Variants in CTNNA3 observed in about 807,000 individuals in gnomAD.
CTNNA3 encodes the protein catenin alpha-3.
A neutral mutation model predicts 95.7 loss-of-function variants in CTNNA3; 76 were observed. The observed-to-expected ratio is 0.79, with a 90% confidence interval of 0.66 to 0.96. The LOEUF is 0.96. CTNNA3 is among the 40% of genes least tolerant of loss of function. The probability of loss-of-function intolerance (pLI) is 0.00; values close to 1 mark genes in which losing one functional copy is unlikely to be tolerated. For missense variants in CTNNA3, 1,191 were observed against 1,089.8 expected, an observed-to-expected ratio of 1.09 and a Z score of -1.31; for synonymous variants, 431 against 374.4, an observed-to-expected ratio of 1.15 and a Z score of -1.74.
chr10:66,684,847 T>C, intron 9 of CTNNA3, among the ~76,000 whole-genome samples: 1 of 152,078 alleles, frequency 6.6e-6, no homozygotes, highest in East Asian at 1.9e-4. Flanking sequence ...CCTTACTATA[T>C]ATGTGGATGA....
intron 2 of CTNNA3, among the ~76,000 whole-genome samples, chr10:67,629,389 G>A (rs981429930): frequency 6.6e-6 from 1 of 152,064 alleles, no homozygotes; most frequent in African/African-American, 2.4e-5. Context: ...ACCACCAGCA[G>A]CAGTCACCAT....
chr10:67,346,573 G>T, intron 5 of CTNNA3: 1 of 212,082 alleles, frequency 4.7e-6, no homozygotes, highest in East Asian at 1.3e-4. Context: ...GACCTTATTA[G>T]AACAGACGAG....
chr10:67,282,835 TC>T (rs1839451772), intron 5 of CTNNA3, among the ~76,000 whole-genome samples: 1 of 152,128 alleles, frequency 6.6e-6, no homozygotes, highest in Non-Finnish European at 1.5e-5. Context: ...TTTGACCTTC[TC>T]CTGCATGCCT....
chr10:67,205,362 G>A (rs559926009), intron 6 of CTNNA3, among the ~76,000 whole-genome samples: 11 of 152,224 alleles, frequency 7.2e-5, no homozygotes, highest in Admixed American at 2.6e-4. Context: ...CTGTATGAAG[G>A]TTTTCTGGCA....
intron 15 of CTNNA3, among the ~76,000 whole-genome samples, chr10:66,029,177 G>A (rs10822697): frequency 6.6e-6 from 1 of 152,100 alleles, no homozygotes; most frequent in South Asian, 2.1e-4. Context: ...CTTCTAATTG[G>A]CCTTTTTACT....
chr10:66,148,942 A>G (rs918571271), intron 13 of CTNNA3, among the ~76,000 whole-genome samples: 10 of 151,712 alleles, frequency 6.6e-5, no homozygotes, highest in African/African-American at 2.4e-4. Flanking sequence ...ACAGTTATAT[A>G]CATTAATTTT....
At chr10:66,948,111 A>T (rs910102896) in intron 7 of CTNNA3, among the ~76,000 whole-genome samples, 2 of 152,212 alleles carry the variant, frequency 1.3e-5, no homozygotes, top group Non-Finnish European at 2.9e-5. Flanking sequence ...TTGTGGGATC[A>T]CCATCATATA....
chr10:66,084,920 A>T (rs1326307226), intron 14 of CTNNA3: 1 of 152,128 alleles, frequency 6.6e-6, no homozygotes, highest in East Asian at 1.9e-4. Context: ...ACACTAGGAC[A>T]CTAATTAGGA....
At position 66,379,778 on chromosome 10, in the gene CTNNA3, A is replaced by G. The variant is rs184242020; in HGVS notation, c.1532-426T>C. Among the ~76,000 whole-genome samples the G allele has an allele frequency of 1.8e-3, 275 of 152,310 alleles. 1 individual carries two copies. The highest frequency in any genetic ancestry group is 6.1e-3 in the African/African-American group (252 of 41,570). ...TAAGTCTTTTAAAAGATGGATTTAA[A>G]CAAATGAATTCCAGAGAAAGTTGCC... On this transcript the variant is annotated intron_variant, in intron 11 of 17. Transcript: ENST00000433211.
At chr10:67,562,184 C>A (rs1247626244) in intron 3 of CTNNA3, among the ~76,000 whole-genome samples, 1 of 151,968 alleles carries the variant, frequency 6.6e-6, no homozygotes, top group Non-Finnish European at 1.5e-5. Context: ...GAGACACAAC[C>A]ATAAAAGAGA....
chr10:66,309,742 G>A (rs1381614211), intron 12 of CTNNA3, among the ~76,000 whole-genome samples: 3 of 137,816 alleles, frequency 2.2e-5, no homozygotes, highest in Non-Finnish European at 3.1e-5. Flanking sequence ...TATAGATAGG[G>A]AAATAGGGAA....
intron 1 of CTNNA3, among the ~76,000 whole-genome samples, chr10:67,687,631 A>G (rs76291680): frequency 0.24 from 35,867 of 151,974 alleles, 5,082 homozygotes; most frequent in East Asian, 0.52. Context: ...TCAGGGCGCA[A>G]GGCTCGCTTT....
rs143910432 is a variant in CTNNA3, at chr10:67,216,626, A to C, written c.843+2981T>G. Among the ~76,000 whole-genome samples, 269 of 152,268 alleles carry C rather than the reference A, an allele frequency of 1.8e-3. 2 individuals are homozygous for C. The highest frequency in any genetic ancestry group is 5.9e-3 in the African/African-American group (246 of 41,528). On this transcript the variant is annotated intron_variant, in intron 6 of 17. Coordinates refer to ENST00000433211, the MANE Select transcript of CTNNA3 (RefSeq NM_013266.4). ...ACAGTAAACAATGACTGTATGAATG[A>C]TGATACATGAATATGTAAAAAAGTT...
chr10:67,148,653 T>C (rs1860947866), intron 7 of CTNNA3, among the ~76,000 whole-genome samples: 1 of 152,194 alleles, frequency 6.6e-6, no homozygotes, highest in African/African-American at 2.4e-5. Flanking sequence ...CTGACAAACA[T>C]ATCACATCAA....
intron 13 of CTNNA3, among the ~76,000 whole-genome samples, chr10:66,155,099 CAA>C (rs2084421714): frequency 6.6e-6 from 1 of 151,682 alleles, no homozygotes; most frequent in South Asian, 2.1e-4. Flanking sequence ...AATCTTTGCT[CAA>C]GAGTATAGTG....
At chr10:67,199,119 C>A (rs7918811) in intron 6 of CTNNA3, among the ~76,000 whole-genome samples, 2 of 151,666 alleles carry the variant, frequency 1.3e-5, no homozygotes, top group Non-Finnish European at 2.9e-5. Context: ...AGAGGAGGAA[C>A]TGGGAAAAGA....
Position 66,487,181 on chromosome 10 carries a change from A to ATTTTTTTTTT in CTNNA3, c.1531+33426_1531+33435dup, listed in dbSNP as rs60547696. ...TACTTGAAATTTAATAAAAGGGCAG[A>ATTTTTTTTTT]TTTTTTTTTTTTTTTTTTTTTTTTT... On this transcript the variant is annotated intron_variant, in intron 11 of 17. Coordinates refer to ENST00000433211, the MANE Select transcript of CTNNA3 (RefSeq NM_013266.4). 3.0e-4 allele frequency among the ~76,000 whole-genome samples: 14 copies of ATTTTTTTTTT among 45,984 alleles called. 2 individuals carry two copies. The highest frequency in any genetic ancestry group is 9.9e-4 in the African/African-American group (11 of 11,112). 30.2% of individuals were successfully genotyped at this position (45,984 alleles called of 152,430 possible).
intron 9 of CTNNA3, among the ~76,000 whole-genome samples, chr10:66,757,213 T>C (rs1465856821): frequency 1.3e-5 from 2 of 152,144 alleles, no homozygotes; most frequent in African/African-American, 4.8e-5. Context: ...GGTAACCTAC[T>C]GTAAGCATTT....
intron 3 of CTNNA3, among the ~76,000 whole-genome samples, chr10:67,587,061 G>C (rs1403450449): frequency 1.3e-5 from 2 of 152,140 alleles, no homozygotes; most frequent in Middle Eastern, 3.4e-3. Flanking sequence ...CTGTGGCTCT[G>C]TTGTCCAGAC....
Sources: gnomAD v4.1 joint callset for allele counts (sites outside exome capture counted in the v4.1 genomes callset) on GRCh38, gnomAD v4.1.1 for gene constraint, MANE v1.5 for transcripts, NCBI Gene and HGNC (gene_info 2026-07-23, HGNC 2026-07-21) for gene names.